NFU1: variants seen among roughly 807,000 people sequenced by gnomAD.
The protein encoded by NFU1 is NFU1 iron-sulfur cluster scaffold, also known as NFU1 iron-sulfur cluster scaffold homolog, mitochondrial.
In NFU1, 30 loss-of-function variants were observed where a neutral mutation model predicts 32.2. That is an observed-to-expected ratio of 0.93 (90% CI 0.70 to 1.26). NFU1 has a LOEUF of 1.26. Among genes scored for constraint, NFU1 ranks in the 50% most tolerant of loss-of-function variants. The pLI is 0.00. For synonymous variants in NFU1, 112 were observed against 104.6 expected (o/e 1.07, Z -0.43); for missense variants, 306 against 306.6 (o/e 1.00, Z 0.02).
Position 69,409,784 on chromosome 2 carries a change from G to A in NFU1, c.485-3702C>T, listed in dbSNP as rs540082145. Among the ~76,000 whole-genome samples the A allele has an allele frequency of 4.6e-5, 7 of 152,148 alleles. No homozygotes were observed. In the South Asian group the frequency reaches 6.2e-4, roughly 14 times the overall value. On this transcript the variant is annotated intron_variant, in intron 5 of 7. Coordinates refer to ENST00000410022, the MANE Select transcript of NFU1 (RefSeq NM_001002755.4). ...CTCACTCCCCTCCCCTCATACCTCC[G>A]GCTCTTCGAGAGGGCATTCATCTAC...
In NFU1 at chr2:69,423,586, C is replaced by G. The variant is rs1279585557; in HGVS notation, c.298G>C (p.Ala100Pro). 2 of 1,613,250 alleles carry G rather than the reference C, an allele frequency of 1.2e-6. No individual in the cohort carries two copies. The highest frequency in any genetic ancestry group is 1.7e-6 in the Non-Finnish European group (2 of 1,179,890). The part of the protein sequence containing the change: ...TPAAAFRSPL[A>P]RQLFRIEGVK... Reference sequence around the variant, plus strand: ...CAAATGAAAACAGTAATATACCTAGCCAGAGGGGAGCGAAATGCTGCAGCT... The same window carrying G: ...CAAATGAAAACAGTAATATACCTAGGCAGAGGGGAGCGAAATGCTGCAGCT... The change falls in exon 3 of 8, where the codon GCT (alanine) becomes CCT (proline). Residue 100 changes from alanine (A) to proline (P), a missense_variant. By Grantham distance (27) the Ala-to-Pro change is conservative. Transcript: ENST00000410022.
chr2:69,410,456 G>C (rs557784043), intron 5 of NFU1, among the ~76,000 whole-genome samples: 2 of 152,284 alleles, frequency 1.3e-5, no homozygotes, highest in Admixed American at 1.3e-4. Flanking sequence ...GCTGGAGGCA[G>C]ATTGCCCAAA....
Position 69,415,778 on chromosome 2 carries a change from C to A in NFU1, c.370-479G>T, listed in dbSNP as rs1574130191. ...TCGTGATCCACCCACCCCGGCCTCC[C>A]AAAGTGCAGGGATTACAGGCGTGAG... On this transcript the variant is annotated intron_variant, in intron 4 of 7. Coordinates refer to ENST00000410022, the MANE Select transcript of NFU1 (RefSeq NM_001002755.4). 2.0e-5 allele frequency among the ~76,000 whole-genome samples: 3 copies of A among 152,188 alleles called. No homozygotes were observed. In the East Asian group the frequency reaches 5.8e-4, roughly 29 times the overall value.
At chr2:69,410,824 A>C (rs776778695) in intron 5 of NFU1, 1 of 152,220 alleles carries the variant, frequency 6.6e-6, no homozygotes, top group Non-Finnish European at 1.5e-5. Flanking sequence ...AATTCTCCCA[A>C]ATTTAATCTG....
intron 2 of NFU1, among the ~76,000 whole-genome samples, chr2:69,423,999 C>T (rs1396804659): frequency 6.6e-6 from 1 of 151,308 alleles, no homozygotes; most frequent in South Asian, 2.1e-4. Flanking sequence ...ATGGTGAAGC[C>T]TCGTCTCTAC....
rs555675114 is a variant in NFU1 at position 69,437,189 on chromosome 2, C to T, written c.62+172G>A. 2.0e-4 allele frequency: 282 copies of T among 1,398,664 alleles called. No homozygotes were observed. The African/African-American group carries it at 3.8e-3, about 19-fold the overall frequency. 86.6% of individuals were successfully genotyped at this position (1,398,664 alleles called of 1,614,324 possible). A position where few individuals can be genotyped will look rare whatever the true frequency, so the allele number is the denominator to read the frequency against. ...CGGATTAGGCCACAGAAGCGCCGAG[C>T]TCCCGCACAGACAGCCTCAGGGCTC... On this transcript the variant is annotated intron_variant, in intron 1 of 7. Coordinates refer to ENST00000410022, the MANE Select transcript of NFU1 (RefSeq NM_001002755.4).
chr2:69,402,869 C>T (rs1026678308), intron 6 of NFU1, among the ~76,000 whole-genome samples: 9 of 151,968 alleles, frequency 5.9e-5, no homozygotes, highest in African/African-American at 1.9e-4. Context: ...AGGTGTAAGC[C>T]ACCGCGCCCG....
At chr2:69,432,484 G>A (rs1673671574) in intron 1 of NFU1, among the ~76,000 whole-genome samples, 2 of 152,058 alleles carry the variant, frequency 1.3e-5, no homozygotes, top group Non-Finnish European at 2.9e-5. Context: ...TGAGGCAGGA[G>A]AATTGCTTGA....
intron 6 of NFU1, 36 bp from the exon 7 acceptor site, chr2:69,400,574 A>T: frequency 2.5e-6 from 4 of 1,582,394 alleles, no homozygotes; most frequent in Non-Finnish European, 3.5e-6. Context: ...CATATTCTTT[A>T]AAATACAAGT....
chr2:69,419,514 T>A lies in NFU1; in HGVS notation c.369+24A>T, dbSNP rs1393391698. The stretch of plus-strand genomic sequence containing the variant: ...AAAAAATGAAGAGTATTTCAAGTCT[T>A]ATTTTATATAATCCTATGTTTACCT... On this transcript the variant is annotated intron_variant, in intron 4 of 7. Coordinates refer to ENST00000410022, the MANE Select transcript of NFU1 (RefSeq NM_001002755.4). The A allele has an allele frequency of 2.2e-6, 3 of 1,339,350 alleles. No individual in the cohort carries two copies. The Admixed American group carries it at 5.3e-5, about 24-fold the overall frequency. The allele number at this position is 1,339,350 out of a possible 1,614,324, so 83.0% of individuals were successfully genotyped here. A position where few individuals can be genotyped will look rare whatever the true frequency, so the allele number is the denominator to read the frequency against.
intron 2 of NFU1, among the ~76,000 whole-genome samples, chr2:69,425,670 T>A (rs1392887081): frequency 6.6e-6 from 1 of 151,140 alleles, no homozygotes; most frequent in Non-Finnish European, 1.5e-5. Flanking sequence ...TTTTTTTTTT[T>A]AAACTGGGTT....
intron 7 of NFU1, chr2:69,399,135 G>A (rs1181758293): frequency 1.2e-5 from 3 of 244,236 alleles, no homozygotes; most frequent in South Asian, 8.0e-5. Flanking sequence ...TTCAACCTGG[G>A]AGGTGGAGGT....
chr2:69,396,337 G>T, intron 7 of NFU1, 47 bp from the exon 8 acceptor site: 1 of 1,445,754 alleles, frequency 6.9e-7, no homozygotes, highest in South Asian at 1.2e-5. Context: ...AAAATGATTA[G>T]ATTTTGCTGT....
At chr2:69,431,672 G>C (rs1673641673) in intron 2 of NFU1, among the ~76,000 whole-genome samples, 1 of 151,962 alleles carries the variant, frequency 6.6e-6, no homozygotes. Context: ...GTGTTGCAGG[G>C]GATATGTTAT....
intron 4 of NFU1, 82 bp from the exon 5 acceptor site, chr2:69,415,381 CTT>C (rs34747434): frequency 6.3e-4 from 397 of 630,698 alleles, no homozygotes; most frequent in Middle Eastern, 1.4e-3. Context: ...CCTCTTTTTT[CTT>C]TTTTTTTTTT....
rs114487449 is a variant in NFU1, at chr2:69,436,064, A to C, written c.62+1297T>G. ...CGGCACACCACTTTAAATTACATGA[A>C]TCTATTACAGCACTCATGACTGTCA... On this transcript the variant is annotated intron_variant, in intron 1 of 7. Coordinates refer to ENST00000410022, the MANE Select transcript of NFU1 (RefSeq NM_001002755.4). 6.2e-3 allele frequency among the ~76,000 whole-genome samples: 938 copies of C among 152,106 alleles called. 11 individuals are homozygous for C. Among genetic ancestry groups the C allele is most frequent in the African/African-American group, 0.022 (899 of 41,490 alleles).
chr2:69,433,610 G>A lies in NFU1; in HGVS notation c.63-1605C>T, dbSNP rs529959797. Among the ~76,000 whole-genome samples, 12 of 151,282 alleles carry A rather than the reference G, an allele frequency of 7.9e-5. No individual in the cohort carries two copies. The South Asian group carries it at 2.5e-3, about 32-fold the overall frequency. On this transcript the variant is annotated intron_variant, in intron 1 of 7. Coordinates refer to ENST00000410022, the MANE Select transcript of NFU1 (RefSeq NM_001002755.4). ...CTTGCCTCAGCCTCCCTAGTAGCTG[G>A]GATTACAGGTGTACACCATCACACC...
chr2:69,437,428 T>C lies in NFU1; in HGVS notation c.-6A>G, dbSNP rs116604978. 1,670 of 1,610,540 alleles carry C rather than the reference T, an allele frequency of 1.0e-3. 18 individuals are homozygous for C. In the African/African-American group the frequency reaches 0.019, roughly 19 times the overall value. On this transcript the variant is annotated 5_prime_UTR_variant, in exon 1 of 8. Transcript: ENST00000410022. ...CGCCTGGCCGTCGCCGCCATCTTAGTCCGGAGTGCCTAAGGGTCTCCCTGA... is the reference window on the plus strand; with the variant it reads ...CGCCTGGCCGTCGCCGCCATCTTAGCCCGGAGTGCCTAAGGGTCTCCCTGA...
chr2:69,421,837 C>G, intron 3 of NFU1, among the ~76,000 whole-genome samples: 1 of 152,010 alleles, frequency 6.6e-6, no homozygotes, highest in East Asian at 1.9e-4. Context: ...GCTGGGATTA[C>G]AGGGATGAGC....
Sources: gnomAD v4.1 joint callset for allele counts (sites outside exome capture counted in the v4.1 genomes callset) on GRCh38, gnomAD v4.1.1 for gene constraint, MANE v1.5 for transcripts, NCBI Gene and HGNC (gene_info 2026-07-23, HGNC 2026-07-21) for gene names.